Variants in PHYKPL observed in about 807,000 individuals in gnomAD.
PHYKPL encodes 5-phosphonooxy-L-lysine phospho-lyase.
PHYKPL carries 42 observed loss-of-function variants against 51.3 expected under a neutral mutation model. That is an observed-to-expected ratio of 0.82 (90% CI 0.64 to 1.06). The LOEUF is 1.06. PHYKPL is among the 50% of genes least tolerant of loss of function. The pLI is 0.00. For synonymous variants in PHYKPL, 264 were observed against 236.0 expected (o/e 1.12, Z -1.09); for missense variants, 655 against 586.6 (o/e 1.12, Z -1.20).
intron 8 of PHYKPL, among the ~76,000 whole-genome samples, chr5:178,219,347 GAC>G (rs1034512656): frequency 2.0e-5 from 3 of 150,676 alleles, no homozygotes; most frequent in Admixed American, 6.6e-5. Flanking sequence ...CACACACACA[GAC>G]ACACACACAT....
chr5:178,215,270 C>T lies in PHYKPL; in HGVS notation c.1082+6G>A, dbSNP rs1345454921. ...TGGGTGGTGACTGCTGCCCCCAGAG[C>T]CTCACCTGACATCCCCGACGATGGG... On this transcript the variant is annotated splice_donor_region_variant and intron_variant, in intron 9 of 12. Transcript: ENST00000308158. 2 of 1,614,006 alleles carry T rather than the reference C, an allele frequency of 1.2e-6. No homozygotes were observed. The highest frequency in any genetic ancestry group is 8.5e-7 in the Non-Finnish European group (1 of 1,179,974).
At chr5:178,221,855 C>T (rs1761229886) in intron 8 of PHYKPL, among the ~76,000 whole-genome samples, 1 of 152,204 alleles carries the variant, frequency 6.6e-6, no homozygotes, top group Non-Finnish European at 1.5e-5. Context: ...CTGTGGGGCT[C>T]GTGCTGCCAT....
intron 12 of PHYKPL, chr5:178,210,246 ACGGCTACGGCCC>A (rs1192556360): frequency 1.1e-5 from 17 of 1,613,688 alleles, no homozygotes; most frequent in Admixed American, 3.3e-5. Flanking sequence ...TATGGCTATT[ACGGCTACGGCCC>A]CGGCTACGAC....
Position 178,214,717 on chromosome 5 carries a change from C to A in PHYKPL, c.1172+79G>T, listed in dbSNP as rs1385213645. 3.1e-6 allele frequency: 4 copies of A among 1,310,868 alleles called. No homozygotes were observed. In the Admixed American group the frequency reaches 6.9e-5, roughly 23 times the overall value. 81.2% of individuals were successfully genotyped at this position (1,310,868 alleles called of 1,614,324 possible). The stretch of plus-strand genomic sequence containing the variant: ...CAGAGTGCTGGGGGTACAGATGAGG[C>A]TCCTTTCCACTGGCCCTGCAAAGAG... On this transcript the variant is annotated intron_variant, in intron 10 of 12. Coordinates refer to ENST00000308158, the MANE Select transcript of PHYKPL (RefSeq NM_153373.4).
downstream of PHYKPL, chr5:178,207,312 G>A (rs1195155003): frequency 8.6e-6 from 13 of 1,514,418 alleles, no homozygotes; most frequent in Non-Finnish European, 1.2e-5. Context: ...GCCTCATGCA[G>A]GAGCTCTCCA....
chr5:178,215,446 A>G lies in PHYKPL; in HGVS notation c.928-16T>C. 1 of 1,599,710 alleles carries G rather than the reference A, an allele frequency of 6.3e-7. No individual in the cohort carries two copies. The highest frequency in any genetic ancestry group is 2.2e-5 in the East Asian group (1 of 44,626). On this transcript the variant is annotated splice_polypyrimidine_tract_variant and intron_variant, in intron 8 of 12. Coordinates refer to ENST00000308158, the MANE Select transcript of PHYKPL (RefSeq NM_153373.4). Reference sequence around the variant, plus strand: ...TGCCCCCAAACTGAGCCAGGGACAAAGAACATGTCAGATGCCCTGGCAGAG... The same window carrying G: ...TGCCCCCAAACTGAGCCAGGGACAAGGAACATGTCAGATGCCCTGGCAGAG...
intron 6 of PHYKPL, chr5:178,223,483 T>C (rs1394552558): frequency 2.2e-6 from 1 of 456,282 alleles, no homozygotes; most frequent in African/African-American, 2.0e-5. Context: ...TGACCCCTTC[T>C]GCATATGGCA....
At chr5:178,231,304 C>A (rs754197649) in intron 2 of PHYKPL, 101 bp downstream of exon 2, 5 of 1,581,334 alleles carry the variant, frequency 3.2e-6, no homozygotes, top group Non-Finnish European at 4.3e-6. Flanking sequence ...TCAACTCCAC[C>A]CAGGTTCTCC....
chr5:178,231,691 G>T, intron 1 of PHYKPL, 168 bp from the exon 2 acceptor site: 4 of 1,563,118 alleles, frequency 2.6e-6, no homozygotes, highest in Non-Finnish European at 2.6e-6. Flanking sequence ...CTCCACAGGT[G>T]GTTGCAAAGC....
intron 12 of PHYKPL, chr5:178,210,521 ATAG>A: frequency 6.2e-7 from 1 of 1,606,524 alleles, no homozygotes; most frequent in Admixed American, 1.7e-5. Context: ...ATGCTTGTAA[ATAG>A]TAGCTGCTAT....
At chr5:178,231,203 C>G (rs1333060832) in intron 2 of PHYKPL, among the ~76,000 whole-genome samples, 1 of 152,220 alleles carries the variant, frequency 6.6e-6, no homozygotes, top group African/African-American at 2.4e-5. Flanking sequence ...ACCTAGATTG[C>G]TGACCCCTGC....
intron 9 of PHYKPL, 47 bp downstream of exon 9, chr5:178,215,229 A>C: frequency 6.2e-7 from 1 of 1,612,980 alleles, no homozygotes; most frequent in Admixed American, 1.7e-5. Context: ...ATGGTACCAC[A>C]CTGGGCCTTG....
At chr5:178,224,914 T>G in intron 4 of PHYKPL, 185 bp from the exon 5 acceptor site, 1 of 586,714 alleles carries the variant, frequency 1.7e-6, no homozygotes, top group Non-Finnish European at 3.0e-6. Flanking sequence ...GCAAGACTGC[T>G]GACTGGCTAT....
At chr5:178,229,123 T>C (rs1762875670) in intron 3 of PHYKPL, among the ~76,000 whole-genome samples, 1 of 98,306 alleles carries the variant, frequency 1.0e-5, no homozygotes, top group African/African-American at 4.0e-5. Flanking sequence ...TTTTTTTTTT[T>C]TGAGATAGAG....
At chr5:178,212,089 C>T (rs1758630043) in intron 11 of PHYKPL, 119 bp from the exon 12 acceptor site, 1 of 1,003,612 alleles carries the variant, frequency 1.0e-6, no homozygotes, top group South Asian at 1.4e-5. Context: ...GCTATCCACA[C>T]CCATGTCCCA....
chr5:178,228,846 T>A (rs1762807215), intron 3 of PHYKPL, among the ~76,000 whole-genome samples: 1 of 152,200 alleles, frequency 6.6e-6, no homozygotes, highest in Admixed American at 6.5e-5. Flanking sequence ...TCCGTTCCCT[T>A]TAAGACATCG....
chr5:178,225,416 C>T lies in PHYKPL; in HGVS notation c.352G>A (p.Asp118Asn). The T allele has an allele frequency of 6.2e-7, 1 of 1,614,190 alleles. No homozygotes were observed. The highest frequency in any genetic ancestry group is 8.5e-7 in the Non-Finnish European group (1 of 1,180,044). ...YFLNSGSEAN[D>N]LALRLARHYT... ...TGGCGAGCCAGCCTCAGGGCCAGGT[C>T]ATTGGCTTCTGACCTATGACCGAAA... The change falls in exon 4 of 13, where the codon GAC (aspartate) becomes AAC (asparagine). Residue 118 changes from aspartate (D) to asparagine (N), a missense_variant. Asp to Asn is a conservative substitution (Grantham distance 23). Transcript: ENST00000308158.
chr5:178,218,603 T>C (rs530951687), intron 8 of PHYKPL, among the ~76,000 whole-genome samples: 1 of 152,318 alleles, frequency 6.6e-6, no homozygotes, highest in Non-Finnish European at 1.5e-5. Context: ...ACCCCAACCA[T>C]GCTGGTGCCC....
chr5:178,210,660 C>T (rs774905734), intron 12 of PHYKPL: 1 of 1,525,714 alleles, frequency 6.6e-7, no homozygotes, highest in Non-Finnish European at 9.1e-7. Context: ...CGCACACATG[C>T]TTTGTTTGGA....
Sources: gnomAD v4.1 joint callset for allele counts (sites outside exome capture counted in the v4.1 genomes callset) on GRCh38, gnomAD v4.1.1 for gene constraint, MANE v1.5 for transcripts, NCBI Gene and HGNC (gene_info 2026-07-23, HGNC 2026-07-21) for gene names.